The following CLMP variants were observed in gnomAD, a reference collection of about 807,000 sequenced individuals.
The protein encoded by CLMP is CXADR like cell adhesion molecule.
Under a neutral mutation model 45.2 loss-of-function variants are expected in CLMP, and 27 were observed. The ratio of observed to expected loss-of-function variants is 0.60; its 90% CI spans 0.44 to 0.82. The LOEUF is 0.82. Ranked by LOEUF, CLMP falls within the 40% of genes least tolerant of loss-of-function variation. CLMP has a pLI of 0.00. For missense variants in CLMP, 403 were observed against 448.4 expected, an observed-to-expected ratio of 0.90 and a Z score of 0.91; for synonymous variants, 167 against 171.4, an observed-to-expected ratio of 0.97 and a Z score of 0.20.
At chr11:123,150,532 G>GGAAGGAAGGC (rs766986302) in intron 1 of CLMP, among the ~76,000 whole-genome samples, 11 of 111,130 alleles carry the variant, frequency 9.9e-5, no homozygotes, top group Admixed American at 9.6e-5. Context: ...AGGAAGGAAA[G>GGAAGGAAGGC]AAACAAGCAA....
At chr11:123,139,769 T>C (rs11607565) in intron 1 of CLMP, among the ~76,000 whole-genome samples, 16,167 of 151,986 alleles carry the variant, frequency 0.11, 1,154 homozygotes, top group Middle Eastern at 0.19. Flanking sequence ...TGAGCCGAGA[T>C]TGCGCTACTG....
At chr11:123,091,432 G>A (rs978915179) in intron 2 of CLMP, among the ~76,000 whole-genome samples, 4 of 152,062 alleles carry the variant, frequency 2.6e-5, no homozygotes, top group African/African-American at 9.7e-5. Context: ...CTTATCTCAT[G>A]TACAGCTTGG....
At chr11:123,091,320 G>T (rs754928056) in intron 2 of CLMP, among the ~76,000 whole-genome samples, 1 of 152,144 alleles carries the variant, frequency 6.6e-6, no homozygotes, top group Non-Finnish European at 1.5e-5. Context: ...GGCCAAGCTG[G>T]TCTCAAACCC....
At chr11:123,129,466 A>G (rs975522913) in intron 1 of CLMP, among the ~76,000 whole-genome samples, 4 of 138,598 alleles carry the variant, frequency 2.9e-5, no homozygotes, top group Non-Finnish European at 6.1e-5. Context: ...AATATATCAT[A>G]TGATATATTA....
At chr11:123,095,912 A>T (rs892549663) in intron 2 of CLMP, among the ~76,000 whole-genome samples, 10 of 152,198 alleles carry the variant, frequency 6.6e-5, no homozygotes, top group Non-Finnish European at 1.3e-4. Context: ...AGTCAGAAAG[A>T]CCGCAAGAAC....
At chr11:123,083,531 G>T in intron 4 of CLMP, 149 bp downstream of exon 4, 3 of 767,844 alleles carry the variant, frequency 3.9e-6, no homozygotes, top group Non-Finnish European at 6.5e-6. Flanking sequence ...CAGATTTTCT[G>T]TTCTAGTTAA....
chr11:123,089,581 C>T lies in CLMP; in HGVS notation c.187-4868G>A, dbSNP rs11218974. Among the ~76,000 whole-genome samples the T allele has an allele frequency of 4.3e-3, 656 of 151,486 alleles. 5 individuals carry two copies. Among genetic ancestry groups the T allele is most frequent in the Middle Eastern group, 0.01 (3 of 294 alleles). On this transcript the variant is annotated intron_variant, in intron 2 of 6. Transcript: ENST00000448775. ...GAGATCAAGACCATCCTGGCTAACACGGTGAAACCCCGTCTCTACTAAAAA... is the reference window on the plus strand; with the variant it reads ...GAGATCAAGACCATCCTGGCTAACATGGTGAAACCCCGTCTCTACTAAAAA...
intron 1 of CLMP, among the ~76,000 whole-genome samples, chr11:123,121,126 CAAAAAA>C (rs760887619): frequency 6.1e-5 from 4 of 65,366 alleles, no homozygotes; most frequent in Non-Finnish European, 1.3e-4. Flanking sequence ...GACTCCGTCT[CAAAAAA>C]AAAAAAAAAA....
intron 5 of CLMP, among the ~76,000 whole-genome samples, chr11:123,077,992 G>T (rs1302475269): frequency 6.6e-6 from 1 of 152,014 alleles, no homozygotes; most frequent in East Asian, 1.9e-4. Flanking sequence ...TGTAATCCTA[G>T]CTCCTCAGGA....
intron 1 of CLMP, among the ~76,000 whole-genome samples, chr11:123,134,101 A>G (rs1158449317): frequency 6.6e-6 from 1 of 152,068 alleles, no homozygotes; most frequent in Non-Finnish European, 1.5e-5. Context: ...CTCTACTAAA[A>G]ATACAAAAAT....
rs12271115 is a variant in CLMP, at chr11:123,150,540, C to G, written c.28+44373G>C. Among the ~76,000 whole-genome samples, 289 of 78,516 alleles carry G rather than the reference C, an allele frequency of 3.7e-3. 2 individuals are homozygous for G. Among genetic ancestry groups the G allele is most frequent in the Middle Eastern group, 0.036 (3 of 84 alleles). 51.5% of individuals were successfully genotyped at this position (78,516 alleles called of 152,430 possible). A position where few individuals can be genotyped will look rare whatever the true frequency, so the allele number is the denominator to read the frequency against. On this transcript the variant is annotated intron_variant, in intron 1 of 6. Coordinates refer to ENST00000448775, the MANE Select transcript of CLMP (RefSeq NM_024769.5). ...GGAAGGAAGGAAGGAAAGAAACAAG[C>G]AAGGAAGGAAGGAAGGAAGGAAAGG...
chr11:123,171,031 G>A (rs1440072626), intron 1 of CLMP, among the ~76,000 whole-genome samples: 1 of 152,186 alleles, frequency 6.6e-6, no homozygotes, highest in Non-Finnish European at 1.5e-5. Flanking sequence ...TATGAGCAAG[G>A]TCTCTGGGGA....
intron 1 of CLMP, among the ~76,000 whole-genome samples, chr11:123,100,385 A>G (rs75485112): frequency 6.9e-6 from 1 of 145,300 alleles, no homozygotes; most frequent in East Asian, 1.9e-4. Flanking sequence ...CCTCTCAGAA[A>G]AAAAAAAAAA....
chr11:123,106,462 T>G (rs965120678), intron 1 of CLMP, among the ~76,000 whole-genome samples: 1 of 151,726 alleles, frequency 6.6e-6, no homozygotes, highest in Non-Finnish European at 1.5e-5. Flanking sequence ...TTCCAGATTG[T>G]TTATGGAACA....
intron 1 of CLMP, among the ~76,000 whole-genome samples, chr11:123,107,893 A>G (rs1860582615): frequency 6.6e-6 from 1 of 152,084 alleles, no homozygotes. Flanking sequence ...AAAAATAAGC[A>G]TGTTATTCCT....
chr11:123,185,578 G>A (rs1331288638), intron 1 of CLMP, among the ~76,000 whole-genome samples: 4 of 152,212 alleles, frequency 2.6e-5, no homozygotes, highest in Non-Finnish European at 4.4e-5. Context: ...GGGATGGAGC[G>A]GAGGCAAGGC....
At chr11:123,171,058 C>T (rs746301011) in intron 1 of CLMP, among the ~76,000 whole-genome samples, 17 of 152,202 alleles carry the variant, frequency 1.1e-4, no homozygotes, top group Non-Finnish European at 8.8e-5. Flanking sequence ...CAAAAAGCAA[C>T]CAGCTCTGCT....
chr11:123,194,309 C>T (rs1861948653), intron 1 of CLMP, among the ~76,000 whole-genome samples: 1 of 152,184 alleles, frequency 6.6e-6, no homozygotes, highest in Non-Finnish European at 1.5e-5. Context: ...TCGGACTCCC[C>T]CAGCCTTGCT....
intron 1 of CLMP, among the ~76,000 whole-genome samples, chr11:123,144,599 A>G (rs1861211896): frequency 6.6e-6 from 1 of 152,038 alleles, no homozygotes; most frequent in Admixed American, 6.6e-5. Context: ...CGAACTCCCG[A>G]CCTCAGGTGA....
Sources: gnomAD v4.1 joint callset for allele counts (sites outside exome capture counted in the v4.1 genomes callset) on GRCh38, gnomAD v4.1.1 for gene constraint, MANE v1.5 for transcripts, NCBI Gene and HGNC (gene_info 2026-07-23, HGNC 2026-07-21) for gene names.